The following CKAP5 variants were observed in gnomAD, a reference collection of about 807,000 sequenced individuals.
The protein encoded by CKAP5 is cytoskeleton-associated protein 5.
CKAP5 carries 27 observed loss-of-function variants against 232.8 expected under a neutral mutation model. The ratio of observed to expected loss-of-function variants is 0.12; its 90% CI spans 0.09 to 0.16. The LOEUF is 0.16. Among genes scored for constraint, CKAP5 ranks in the 10% least tolerant of loss-of-function variants. The pLI, the probability that CKAP5 is intolerant of heterozygous loss-of-function variation, is 1.00. For missense variants in CKAP5, 1,838 were observed against 2,424.7 expected (o/e 0.76, Z 5.08); for synonymous variants, 785 against 841.1 (o/e 0.93, Z 1.16).
chr11:46,837,675 A>G (rs541393310), intron 1 of CKAP5, among the ~76,000 whole-genome samples: 24 of 151,802 alleles, frequency 1.6e-4, no homozygotes, highest in Middle Eastern at 3.5e-3. Flanking sequence ...AAATACGCGC[A>G]CACACACACA....
At chr11:46,779,064 G>A (rs552515954) in intron 20 of CKAP5, among the ~76,000 whole-genome samples, 48 of 152,228 alleles carry the variant, frequency 3.2e-4, no homozygotes, top group African/African-American at 1.1e-3. Context: ...TGGGCAACAA[G>A]AGTGAAACTC....
chr11:46,745,949 C>T (rs1405521905), intron 42 of CKAP5, among the ~76,000 whole-genome samples: 1 of 152,054 alleles, frequency 6.6e-6, no homozygotes, highest in Non-Finnish European at 1.5e-5. Flanking sequence ...GAGAACCTAT[C>T]TCAAAAAAAC....
At chr11:46,793,918 C>T (rs1352450943) in intron 13 of CKAP5, among the ~76,000 whole-genome samples, 1 of 150,062 alleles carries the variant, frequency 6.7e-6, no homozygotes, top group Non-Finnish European at 1.5e-5. Context: ...CAGTGCAAGA[C>T]TCCACCTCAG....
chr11:46,785,936 G>A (rs1212069568), intron 16 of CKAP5, among the ~76,000 whole-genome samples: 3 of 152,136 alleles, frequency 2.0e-5, no homozygotes, highest in African/African-American at 7.2e-5. Flanking sequence ...AAGAGAGTGA[G>A]ACTTTGTCTC....
intron 26 of CKAP5, 23 bp from the exon 27 acceptor site, chr11:46,767,686 A>G (rs767143233): frequency 6.8e-7 from 1 of 1,463,472 alleles, no homozygotes; most frequent in South Asian, 1.2e-5. Flanking sequence ...AAATATATAT[A>G]TACTATAAAC....
At chr11:46,791,474 C>A (rs1248558153) in intron 13 of CKAP5, among the ~76,000 whole-genome samples, 1 of 151,990 alleles carries the variant, frequency 6.6e-6, no homozygotes, top group Non-Finnish European at 1.5e-5. Flanking sequence ...CAGTTTGAGA[C>A]CAGCCTGGGC....
At chr11:46,831,611 C>T (rs1939795281) in intron 1 of CKAP5, among the ~76,000 whole-genome samples, 1 of 152,160 alleles carries the variant, frequency 6.6e-6, no homozygotes, top group South Asian at 2.1e-4. Context: ...TCACTCTAGT[C>T]TCATCCTCCC....
rs144359837 is a variant in CKAP5 at position 46,753,137 on chromosome 11, T to TA, written c.5057+172dup. The TA allele has an allele frequency of 2.6e-3, 1,341 of 512,640 alleles. 19 individuals are homozygous for TA. Among genetic ancestry groups the TA allele is most frequent in the African/African-American group, 0.024 (1,234 of 50,504 alleles). The allele number at this position is 512,640 out of a possible 1,614,324, so 31.8% of individuals were successfully genotyped here. ...AATAAATCAACTTCCTAGGCACACT[T>TA]AAAGTTTTAACTGATATAGTTATAA... On this transcript the variant is annotated intron_variant, in intron 37 of 43. Coordinates refer to ENST00000529230, the MANE Select transcript of CKAP5 (RefSeq NM_001008938.4).
At chr11:46,830,827 C>A (rs1249827625) in intron 1 of CKAP5, among the ~76,000 whole-genome samples, 1 of 152,066 alleles carries the variant, frequency 6.6e-6, no homozygotes, top group Non-Finnish European at 1.5e-5. Context: ...CTTTGGGAGG[C>A]CAAGGTGGGG....
intron 42 of CKAP5, among the ~76,000 whole-genome samples, chr11:46,745,706 C>A (rs1296247008): frequency 6.6e-6 from 1 of 152,148 alleles, no homozygotes; most frequent in African/African-American, 2.4e-5. Context: ...GTAATCCAAG[C>A]ACTTTGGGAG....
chr11:46,831,265 A>C (rs1463500685), intron 1 of CKAP5, among the ~76,000 whole-genome samples: 1 of 151,704 alleles, frequency 6.6e-6, no homozygotes, highest in Admixed American at 6.6e-5. Context: ...CTTTTTCTTT[A>C]TTTAACTCCC....
In CKAP5 at chr11:46,753,437, G is replaced by C. The variant is rs1218985921; in HGVS notation, c.4930C>G (p.His1644Asp). 6.2e-7 allele frequency: 1 copy of C among 1,613,962 alleles called. No individual in the cohort carries two copies. Among genetic ancestry groups the C allele is most frequent in the Non-Finnish European group, 8.5e-7 (1 of 1,179,910 alleles). ...TCCAGCATTAAGGTGATGAGGCCAT[G>C]CATTAGGTCTTTTAGTACTCCAGTG... ...ASTGVLKDLM[H>D]GLITLMLDSR... Residue 1644 changes from histidine (H) to aspartate (D), a missense_variant, in exon 37 of 44, where the codon CAT (histidine) becomes GAT (aspartate). Transcript: ENST00000529230.
intron 36 of CKAP5, among the ~76,000 whole-genome samples, chr11:46,754,626 T>C (rs7929294): frequency 0.64 from 97,941 of 152,102 alleles, 33,224 homozygotes; most frequent in Non-Finnish European, 0.77. Context: ...AAGGCAGCTA[T>C]GGCCTACCAT....
In CKAP5 at chr11:46,780,220, A is replaced by G; in HGVS notation, c.2407T>C (p.Ser803Pro). The G allele has an allele frequency of 6.2e-7, 1 of 1,614,072 alleles. No homozygotes were observed. The highest frequency in any genetic ancestry group is 8.5e-7 in the Non-Finnish European group (1 of 1,179,944). ...FFEDEKPALL[S>P]QIDAEFEKMQ... is the part of the protein sequence containing the mutation. The stretch of plus-strand genomic sequence containing the variant: ...TTCTCAAATTCTGCATCTATCTGGG[A>G]TAGGAGGGCAGGCTTCTCATCCTCA... Residue 803 changes from serine to proline, a missense_variant, in exon 20 of 44, where the codon TCC becomes CCC. Ser to Pro is a moderately conservative substitution (Grantham distance 74). Coordinates refer to ENST00000529230, the MANE Select transcript of CKAP5 (RefSeq NM_001008938.4).
chr11:46,772,907 A>C (rs911525070), intron 24 of CKAP5, among the ~76,000 whole-genome samples: 4 of 151,976 alleles, frequency 2.6e-5, no homozygotes, highest in Non-Finnish European at 2.9e-5. Context: ...ACACCCAGCT[A>C]ATTTTTGTAT....
rs746122859 is a variant in CKAP5, at chr11:46,795,673, G to A, written c.1571C>T (p.Ser524Leu). The A allele has an allele frequency of 5.6e-6, 9 of 1,614,110 alleles. No individual in the cohort carries two copies. The highest frequency in any genetic ancestry group is 7.6e-6 in the Non-Finnish European group (9 of 1,180,002). ...FKPLPGRTAA[S>L]GAAGDKDTKD... Reference sequence around the variant, plus strand: ...TGTGTCCTTATCTCCTGCAGCCCCTGAAGCAGCAGTCCTTCCAGGCAGAGG... The same window carrying A: ...TGTGTCCTTATCTCCTGCAGCCCCTAAAGCAGCAGTCCTTCCAGGCAGAGG... The change falls in exon 13 of 44, where the codon TCA becomes TTA. Residue 524 changes from serine (S) to leucine (L), a missense_variant. Coordinates refer to ENST00000529230, the MANE Select transcript of CKAP5 (RefSeq NM_001008938.4).
chr11:46,752,175 T>TATATATAC (rs1182816925), intron 38 of CKAP5, among the ~76,000 whole-genome samples: 2 of 39,572 alleles, frequency 5.1e-5, no homozygotes, highest in Admixed American at 5.3e-4. Context: ...TATATATATA[T>TATATATAC]ATATATATAT....
intron 23 of CKAP5, among the ~76,000 whole-genome samples, chr11:46,777,089 G>A (rs190741634): frequency 3.9e-5 from 6 of 152,122 alleles, no homozygotes; most frequent in Non-Finnish European, 7.4e-5. Flanking sequence ...ACACAATTAC[G>A]TTATAATCAT....
intron 4 of CKAP5, among the ~76,000 whole-genome samples, chr11:46,812,345 T>A (rs947797400): frequency 2.4e-4 from 36 of 151,776 alleles, no homozygotes; most frequent in East Asian, 9.7e-4. Context: ...AAAAAAAAAA[T>A]AAAATTAAAA....
Sources: gnomAD v4.1 joint callset for allele counts (sites outside exome capture counted in the v4.1 genomes callset) on GRCh38, gnomAD v4.1.1 for gene constraint, MANE v1.5 for transcripts, NCBI Gene and HGNC (gene_info 2026-07-23, HGNC 2026-07-21) for gene names.